Variants in AGBL1 observed in about 807,000 individuals in gnomAD.
The protein encoded by AGBL1 is cytosolic carboxypeptidase 4.
A neutral mutation model predicts 118.9 loss-of-function variants in AGBL1; 130 were observed. That is an observed-to-expected ratio of 1.09 (90% CI 0.95 to 1.26). AGBL1 has a LOEUF of 1.26. AGBL1 is among the 50% of genes most tolerant of loss of function. AGBL1 has a pLI of 0.00. For synonymous variants in AGBL1, 555 were observed against 478.9 expected (o/e 1.16, Z -2.08); for missense variants, 1,584 against 1,298.1 (o/e 1.22, Z -3.38).
chr15:86,838,941 T>TTAAAAAAA (rs1269304671), intron 22 of AGBL1, among the ~76,000 whole-genome samples: 1 of 48,006 alleles, frequency 2.1e-5, no homozygotes, highest in Non-Finnish European at 3.4e-5. Flanking sequence ...TGAGATCCTG[T>TTAAAAAAA]AAAAAAAAAA....
intron 18 of AGBL1, among the ~76,000 whole-genome samples, chr15:86,457,345 T>C (rs1167527426): frequency 6.6e-6 from 1 of 152,194 alleles, no homozygotes; most frequent in Non-Finnish European, 1.5e-5. Flanking sequence ...CACTAATTTT[T>C]CCCTCTAGTA....
chr15:86,761,262 G>C (rs1316204979), intron 22 of AGBL1, among the ~76,000 whole-genome samples: 1 of 152,056 alleles, frequency 6.6e-6, no homozygotes, highest in Non-Finnish European at 1.5e-5. Context: ...GCCAAGCACT[G>C]ACTCTAACAA....
At chr15:86,819,084 A>G (rs562097632) in intron 22 of AGBL1, among the ~76,000 whole-genome samples, 1 of 152,204 alleles carries the variant, frequency 6.6e-6, no homozygotes, top group African/African-American at 2.4e-5. Flanking sequence ...TCCAGACAAA[A>G]TATTTCCAAA....
At chr15:86,194,564 G>A (rs2077771114) in intron 5 of AGBL1, among the ~76,000 whole-genome samples, 1 of 152,182 alleles carries the variant, frequency 6.6e-6, no homozygotes, top group Non-Finnish European at 1.5e-5. Context: ...CTGTGTTTGT[G>A]TGTCTGTGTA....
chr15:86,449,486 G>T (rs1207505014), intron 18 of AGBL1, among the ~76,000 whole-genome samples: 6 of 152,206 alleles, frequency 3.9e-5, no homozygotes, highest in Non-Finnish European at 7.3e-5. Flanking sequence ...GAGATGGCAA[G>T]ACCTGGGATT....
At chr15:86,938,170 G>A (rs2080699340) in intron 23 of AGBL1, among the ~76,000 whole-genome samples, 1 of 152,154 alleles carries the variant, frequency 6.6e-6, no homozygotes, top group Admixed American at 6.5e-5. Flanking sequence ...TGCTTCTGTG[G>A]GAAGACTTGC....
chr15:86,878,428 C>A (rs1307284774), intron 22 of AGBL1, among the ~76,000 whole-genome samples: 1 of 152,134 alleles, frequency 6.6e-6, no homozygotes, highest in Non-Finnish European at 1.5e-5. Flanking sequence ...TTGGCTGACA[C>A]CTGTTCTGGA....
At chr15:87,019,379 C>G (rs2081639380) in intron 24 of AGBL1, among the ~76,000 whole-genome samples, 1 of 127,330 alleles carries the variant, frequency 7.9e-6, no homozygotes, top group African/African-American at 3.1e-5. Flanking sequence ...GTAAAACACT[C>G]CTCAGCAAAA....
At chr15:86,801,351 A>ATCTATCTATCTATCTG (rs1237814314) in intron 22 of AGBL1, among the ~76,000 whole-genome samples, 48 of 149,914 alleles carry the variant, frequency 3.2e-4, no homozygotes, top group African/African-American at 2.2e-4. Context: ...CTATCTATCT[A>ATCTATCTATCTATCTG]TCTATATTAA....
At chr15:86,596,673 G>A (rs1208430797) in intron 21 of AGBL1, among the ~76,000 whole-genome samples, 2 of 151,868 alleles carry the variant, frequency 1.3e-5, no homozygotes, top group Non-Finnish European at 2.9e-5. Flanking sequence ...TCCTAATGTA[G>A]CCTACCGTGA....
chr15:86,219,541 T>C (rs77445538), intron 5 of AGBL1, among the ~76,000 whole-genome samples: 29,945 of 152,086 alleles, frequency 0.2, 3,092 homozygotes, highest in South Asian at 0.27. Context: ...TGCTCCAAGC[T>C]TCAAACCCAA....
downstream of AGBL1, among the ~76,000 whole-genome samples, chr15:86,917,042 T>A (rs1020905135): frequency 2.6e-5 from 4 of 152,328 alleles, no homozygotes; most frequent in South Asian, 6.2e-4. This position sits in a 1 kb window ranked among gnomAD's most constrained non-coding sequence, Gnocchi z 4.8. Flanking sequence ...AAACTTCAGC[T>A]GGGGTGGGGC....
intron 5 of AGBL1, among the ~76,000 whole-genome samples, chr15:86,199,495 C>A (rs2077869712): frequency 6.6e-6 from 1 of 152,202 alleles, no homozygotes. Flanking sequence ...TAATATAGGG[C>A]ACTAATGAAT....
At chr15:86,731,313 G>A (rs899944880) in intron 22 of AGBL1, among the ~76,000 whole-genome samples, 2 of 152,124 alleles carry the variant, frequency 1.3e-5, no homozygotes, top group African/African-American at 4.8e-5. Context: ...CTTCATGGGG[G>A]ACACAGTCTG....
chr15:86,885,771 CA>C (rs1179963248), intron 22 of AGBL1, among the ~76,000 whole-genome samples: 1 of 152,158 alleles, frequency 6.6e-6, no homozygotes, highest in Admixed American at 6.5e-5. Context: ...TAACTTACTC[CA>C]TGCTCTGAGC....
chr15:86,870,403 A>T (rs1369324350), intron 22 of AGBL1, among the ~76,000 whole-genome samples: 1 of 145,676 alleles, frequency 6.9e-6, no homozygotes, highest in Admixed American at 7.1e-5. Flanking sequence ...CATTTAAAAG[A>T]GAATCCATAG....
chr15:86,850,568 C>T (rs2079394574), intron 22 of AGBL1, among the ~76,000 whole-genome samples: 1 of 152,178 alleles, frequency 6.6e-6, no homozygotes, highest in Non-Finnish European at 1.5e-5. Flanking sequence ...CATCAAAACC[C>T]ATCTTCCTCC....
At chr15:86,381,823 G>T (rs550987702) in intron 17 of AGBL1, among the ~76,000 whole-genome samples, 1 of 152,266 alleles carries the variant, frequency 6.6e-6, no homozygotes, top group African/African-American at 2.4e-5. Context: ...CTGTGGGGGT[G>T]CAGGTGGGGG....
chr15:86,644,312 T>C (rs1021068023), intron 21 of AGBL1, among the ~76,000 whole-genome samples: 1 of 152,118 alleles, frequency 6.6e-6, no homozygotes, highest in Admixed American at 6.6e-5. Context: ...GCAAGAGGAT[T>C]GCTTGAGGCC....
Sources: gnomAD v4.1 joint callset for allele counts (sites outside exome capture counted in the v4.1 genomes callset) on GRCh38, gnomAD v4.1.1 for gene constraint, Gnocchi (gnomAD v3.1) non-coding constraint, MANE v1.5 for transcripts, NCBI Gene and HGNC (gene_info 2026-07-23, HGNC 2026-07-21) for gene names.